The following ZNF317 variants were observed in gnomAD, a reference collection of about 807,000 sequenced individuals.
ZNF317 encodes the protein KRAB-containing zinc finger protein 317.
In ZNF317, 17 loss-of-function variants were observed where a neutral mutation model predicts 23.4. The observed-to-expected ratio is 0.73, with a 90% confidence interval of 0.50 to 1.09. The LOEUF (loss-of-function observed/expected upper bound fraction) is 1.09, where lower values mean the gene tolerates loss of function less well. Ranked by LOEUF, ZNF317 falls within the 50% of genes least tolerant of loss-of-function variation. ZNF317 has a pLI of 0.00. For missense variants in ZNF317, 679 were observed against 796.7 expected (o/e 0.85, Z 1.78); for synonymous variants, 317 against 314.9 (o/e 1.01, Z -0.07).
At chr19:9,155,879 GAC>G (rs2145954222) in intron 1 of ZNF317, 44 bp from the exon 2 acceptor site, 1 of 1,061,578 alleles carries the variant, frequency 9.4e-7, no homozygotes, top group East Asian at 2.5e-5. Flanking sequence ...GAGCAGGAGA[GAC>G]AGATAGCCTT....
intron 1 of ZNF317, among the ~76,000 whole-genome samples, chr19:9,152,662 C>T (rs2050746262): frequency 6.6e-6 from 1 of 152,184 alleles, no homozygotes; most frequent in Non-Finnish European, 1.5e-5. Flanking sequence ...ACTCTCAGGG[C>T]TTCCACTAAT....
At chr19:9,151,823 G>A (rs868326620) in intron 1 of ZNF317, among the ~76,000 whole-genome samples, 8 of 151,354 alleles carry the variant, frequency 5.3e-5, no homozygotes, top group African/African-American at 1.9e-4. Flanking sequence ...ACCATTCTGT[G>A]TCTCATTCAC....
intron 1 of ZNF317, among the ~76,000 whole-genome samples, chr19:9,147,669 A>G (rs913143822): frequency 6.6e-6 from 1 of 151,970 alleles, no homozygotes; most frequent in African/African-American, 2.4e-5. Flanking sequence ...TCATGTAGAA[A>G]CGGGGCAGAA....
intron 2 of ZNF317, among the ~76,000 whole-genome samples, 178 bp downstream of exon 2, chr19:9,156,219 G>A (rs1047544027): frequency 1.3e-5 from 2 of 152,160 alleles, no homozygotes; most frequent in African/African-American, 4.8e-5. Flanking sequence ...GAGGGTCTTG[G>A]TGGGTCTGGG....
At chr19:9,153,653 T>A (rs1376550155) in intron 1 of ZNF317, among the ~76,000 whole-genome samples, 1 of 152,126 alleles carries the variant, frequency 6.6e-6, no homozygotes, top group East Asian at 1.9e-4. Flanking sequence ...AGAATCAGCC[T>A]TTAGTGGTGA....
Position 9,140,575 on chromosome 19 carries a change from G to A in ZNF317, c.-110G>A, listed in dbSNP as rs1345400575. ...CGGCTTCCGTCACCTCCGCTCCCCCGATCCTATTCCCAGTCGTGTAAGCCC... is the reference window on the plus strand; with the variant it reads ...CGGCTTCCGTCACCTCCGCTCCCCCAATCCTATTCCCAGTCGTGTAAGCCC... On this transcript the variant is annotated 5_prime_UTR_variant, in exon 1 of 7. Coordinates refer to ENST00000247956, the MANE Select transcript of ZNF317 (RefSeq NM_020933.5). 2.2e-6 allele frequency: 1 copy of A among 456,464 alleles called. No homozygotes were observed. The highest frequency in any genetic ancestry group is 2.3e-5 in the Admixed American group (1 of 42,562). 28.3% of individuals were successfully genotyped at this position (456,464 alleles called of 1,614,324 possible).
Position 9,160,467 on chromosome 19 carries a change from A to G in ZNF317, c.822A>G (p.Lys274=). The change falls in exon 7 of 7, where the codon AAA becomes AAG. Residue 274 remains lysine (K), a synonymous_variant. Coordinates refer to ENST00000247956, the MANE Select transcript of ZNF317 (RefSeq NM_020933.5). This position sits in a 1 kb window ranked among gnomAD's most constrained non-coding sequence, Gnocchi z 6.8. ...GGAGCCACGCAAGAACTCACCTCAAAGAGAAGCCCTTTGACTGCAGTCAGT... is the reference window on the plus strand; with the variant it reads ...GGAGCCACGCAAGAACTCACCTCAAGGAGAAGCCCTTTGACTGCAGTCAGT... ...ALRSHARTHL[K]EKPFDCSQCG... is the part of the protein sequence containing the mutation. 6.2e-7 allele frequency: 1 copy of G among 1,614,040 alleles called. No individual in the cohort carries two copies.
Position 9,161,592 on chromosome 19 carries a change from T to C in ZNF317, c.*159T>C. 1 of 1,116,496 alleles carries C rather than the reference T, an allele frequency of 9.0e-7. No homozygotes were observed. The allele number at this position is 1,116,496 out of a possible 1,614,324, so 69.2% of individuals were successfully genotyped here. A position where few individuals can be genotyped will look rare whatever the true frequency, so the allele number is the denominator to read the frequency against. ...TAAAAACTGGGAAGACGAGGCGTTC[T>C]CATCCCATAGGAGGTTTGTGAGAAC... On this transcript the variant is annotated 3_prime_UTR_variant, in exon 7 of 7. Coordinates refer to ENST00000247956, the MANE Select transcript of ZNF317 (RefSeq NM_020933.5). This position sits in a 1 kb window ranked among gnomAD's most constrained non-coding sequence, Gnocchi z 4.0.
intron 1 of ZNF317, among the ~76,000 whole-genome samples, chr19:9,145,436 T>G (rs2050674557): frequency 6.6e-6 from 1 of 152,192 alleles, no homozygotes; most frequent in Non-Finnish European, 1.5e-5. Flanking sequence ...CTTTGTTTCT[T>G]AATGGAGAGA....
In ZNF317 at chr19:9,140,473, C is replaced by A. The variant is rs1356996004; in HGVS notation, c.-212C>A. ...GCCAAGGAGGGGTCAGCGGCGAATTCTTTCGGCCTGTTGGGGACCCCTCGT... is the reference window on the plus strand; with the variant it reads ...GCCAAGGAGGGGTCAGCGGCGAATTATTTCGGCCTGTTGGGGACCCCTCGT... On this transcript the variant is annotated 5_prime_UTR_variant, in exon 1 of 7. Transcript: ENST00000247956. The A allele has an allele frequency of 4.4e-6, 2 of 456,306 alleles. No individual in the cohort carries two copies. Among genetic ancestry groups the A allele is most frequent in the Admixed American group, 2.4e-5 (1 of 42,514 alleles). The allele number at this position is 456,306 out of a possible 1,614,324, so 28.3% of individuals were successfully genotyped here.
chr19:9,159,697 C>T (rs1040048512), intron 6 of ZNF317, among the ~76,000 whole-genome samples: 1 of 152,090 alleles, frequency 6.6e-6, no homozygotes, highest in Non-Finnish European at 1.5e-5. Flanking sequence ...CAGGTGTGCA[C>T]CACCATGCCC....
At chr19:9,146,234 T>C (rs1012721524) in intron 1 of ZNF317, among the ~76,000 whole-genome samples, 4 of 151,824 alleles carry the variant, frequency 2.6e-5, no homozygotes, top group African/African-American at 9.7e-5. Flanking sequence ...AGGTTGCTTG[T>C]TGGAAACAGA....
At chr19:9,141,253 A>G (rs1035641168) in intron 1 of ZNF317, among the ~76,000 whole-genome samples, 2 of 152,130 alleles carry the variant, frequency 1.3e-5, no homozygotes, top group East Asian at 1.9e-4. Flanking sequence ...AAAATAGGAC[A>G]TACATGCAAA....
chr19:9,162,900 G>T lies in ZNF317; in HGVS notation c.*1467G>T, dbSNP rs528887091. On this transcript the variant is annotated 3_prime_UTR_variant, in exon 7 of 7. Coordinates refer to ENST00000247956, the MANE Select transcript of ZNF317 (RefSeq NM_020933.5). Reference sequence around the variant, plus strand: ...CAGAGCATGATGCCTCCATCAAGTGGTAATATGTTTGCAGCCTGCTGTCCA... The same window carrying T: ...CAGAGCATGATGCCTCCATCAAGTGTTAATATGTTTGCAGCCTGCTGTCCA... 6.6e-6 allele frequency: 1 copy of T among 152,172 alleles called. No homozygotes were observed. Among genetic ancestry groups the T allele is most frequent in the Non-Finnish European group, 1.5e-5 (1 of 68,044 alleles). The allele number at this position is 152,172 out of a possible 1,614,324, so 9.4% of individuals were successfully genotyped here.
In ZNF317 at chr19:9,160,100, G is replaced by C. The variant is rs187761087; in HGVS notation, c.469-14G>C. ...GAGAATTGCCTTTGTCAGCACTTACGTCTTAACCAACAGGAAAGAGCCGGT... is the reference window on the plus strand; with the variant it reads ...GAGAATTGCCTTTGTCAGCACTTACCTCTTAACCAACAGGAAAGAGCCGGT... On this transcript the variant is annotated splice_polypyrimidine_tract_variant and intron_variant, in intron 6 of 6. Transcript: ENST00000247956. The surrounding 1 kb of genome is among the most constrained non-coding windows in gnomAD (Gnocchi z 6.8). The C allele has an allele frequency of 2.5e-6, 4 of 1,613,420 alleles. No individual in the cohort carries two copies. Among genetic ancestry groups the C allele is most frequent in the Non-Finnish European group, 3.4e-6 (4 of 1,179,412 alleles).
chr19:9,144,360 C>G (rs2050664673), intron 1 of ZNF317, among the ~76,000 whole-genome samples: 1 of 152,160 alleles, frequency 6.6e-6, no homozygotes, highest in African/African-American at 2.4e-5. Context: ...TTGGATTAAT[C>G]TATTCTGTGA....
chr19:9,161,342 C>G lies in ZNF317; in HGVS notation c.1697C>G (p.Ala566Gly). The change falls in exon 7 of 7, where the codon GCC becomes GGC. Residue 566 changes from alanine to glycine, a missense_variant. By Grantham distance (60) the Ala-to-Gly change is moderately conservative. Transcript: ENST00000247956. This position sits in a 1 kb window ranked among gnomAD's most constrained non-coding sequence, Gnocchi z 4.0. ...TACGAATGCCTTGTCTGCGGGAAAG[C>G]CTTCAGCGACCACTCATCCCTCAGG... ...KPYECLVCGK[A>G]FSDHSSLRSH... 2 of 1,614,196 alleles carry G rather than the reference C, an allele frequency of 1.2e-6. No individual in the cohort carries two copies. Among genetic ancestry groups the G allele is most frequent in the Non-Finnish European group, 1.7e-6 (2 of 1,180,036 alleles).
chr19:9,141,835 C>T (rs895064618), intron 1 of ZNF317, among the ~76,000 whole-genome samples: 1 of 152,036 alleles, frequency 6.6e-6, no homozygotes, highest in African/African-American at 2.4e-5. Flanking sequence ...GAGATGGAGT[C>T]TCACCCTTGT....
At chr19:9,145,271 G>C (rs1033055429) in intron 1 of ZNF317, among the ~76,000 whole-genome samples, 1 of 152,088 alleles carries the variant, frequency 6.6e-6, no homozygotes, top group African/African-American at 2.4e-5. Flanking sequence ...GGTTTTAGGA[G>C]CCTAGAAATG....
Sources: gnomAD v4.1 joint callset for allele counts (sites outside exome capture counted in the v4.1 genomes callset) on GRCh38, gnomAD v4.1.1 for gene constraint, Gnocchi (gnomAD v3.1) non-coding constraint, MANE v1.5 for transcripts, NCBI Gene and HGNC (gene_info 2026-07-23, HGNC 2026-07-21) for gene names.